The following ASCC2 variants were observed in gnomAD, a reference collection of about 807,000 sequenced individuals.
ASCC2 encodes the protein activating signal cointegrator 1 complex subunit 2, also known as ASC-1 complex subunit P100.
Under a neutral mutation model 93.5 loss-of-function variants are expected in ASCC2, and 42 were observed. The observed-to-expected ratio is 0.45, with a 90% CI of 0.35 to 0.58. The LOEUF is 0.58. Among genes scored for constraint, ASCC2 ranks in the 20% least tolerant of loss-of-function variants. ASCC2 has a pLI of 0.00. For missense variants in ASCC2, 859 were observed against 977.6 expected (o/e 0.88, Z 1.62); for synonymous variants, 364 against 384.2 (o/e 0.95, Z 0.62).
chr22:29,789,120 T>C lies in ASCC2; in HGVS notation c.2167A>G (p.Thr723Ala). ...SPRGHGQSRE[T>A]TQERRKKEAN... The stretch of plus-strand genomic sequence containing the variant: ...TCCTTCTTCCTGCGTTCCTGGGTTG[T>C]CTCGCGGCTCTGCCCATGGCCTCGG... The change falls in exon 20 of 20, where the codon ACA (threonine) becomes GCA (alanine). Residue 723 changes from threonine to alanine, a missense_variant. Thr to Ala is a moderately conservative substitution (Grantham distance 58). Coordinates refer to ENST00000307790, the MANE Select transcript of ASCC2 (RefSeq NM_032204.5). The C allele has an allele frequency of 6.2e-7, 1 of 1,614,178 alleles. No individual in the cohort carries two copies. Among genetic ancestry groups the C allele is most frequent in the Non-Finnish European group, 8.5e-7 (1 of 1,180,014 alleles).
chr22:29,824,481 T>G (rs2062028678), intron 4 of ASCC2, among the ~76,000 whole-genome samples: 1 of 151,984 alleles, frequency 6.6e-6, no homozygotes, highest in African/African-American at 2.4e-5. Context: ...CCAGGCATGA[T>G]GGTGCATGCC....
At chr22:29,793,209 G>A (rs1601797540) in intron 17 of ASCC2, 151 bp downstream of exon 17, 3 of 1,050,750 alleles carry the variant, frequency 2.9e-6, no homozygotes, top group African/African-American at 1.6e-5. Flanking sequence ...CCCATTCAGG[G>A]TGGGCTGGGG....
chr22:29,789,227 AAGAGGCTCTGGCGGG>A, intron 19 of ASCC2, 43 bp from the exon 20 acceptor site: 1 of 1,612,308 alleles, frequency 6.2e-7, no homozygotes, highest in Non-Finnish European at 8.5e-7. Context: ...TGTCAGCCGG[AAGAGGCTCTGGCGGG>A]AGAGCCCACA....
At chr22:29,813,223 G>A (rs952422721) in intron 8 of ASCC2, among the ~76,000 whole-genome samples, 2 of 151,974 alleles carry the variant, frequency 1.3e-5, no homozygotes, top group African/African-American at 4.8e-5. Context: ...CCCTATCCTG[G>A]TCTTGGCCAA....
At position 29,825,220 on chromosome 22, in the gene ASCC2, G is replaced by A. The variant is rs774087477; in HGVS notation, c.278C>T (p.Ser93Phe). Residue 93 changes from serine to phenylalanine, a missense_variant, in exon 4 of 20, where the codon TCC becomes TTC. By Grantham distance (155) the Ser-to-Phe change is radical. Coordinates refer to ENST00000307790, the MANE Select transcript of ASCC2 (RefSeq NM_032204.5). This position sits in a 1 kb window ranked among gnomAD's most constrained non-coding sequence, Gnocchi z 4.9. ...TTTGCGGGGGACATAGCGCAGGTAG[G>A]AGTCCAGGCACTTCTGTAGAGTCTC... The part of the protein sequence containing the change: ...FDETLQKCLD[S>F]YLRYVPRKFD... 32 of 1,543,964 alleles carry A rather than the reference G, an allele frequency of 2.1e-5. No individual in the cohort carries two copies. In the African/African-American group the frequency reaches 3.5e-4, roughly 17 times the overall value.
At chr22:29,813,079 C>T (rs2060461456) in intron 8 of ASCC2, among the ~76,000 whole-genome samples, 1 of 152,100 alleles carries the variant, frequency 6.6e-6, no homozygotes, top group African/African-American at 2.4e-5. Flanking sequence ...TGGGGTGTCA[C>T]CATATTGGTC....
At chr22:29,809,513 C>T (rs2060056271) in intron 8 of ASCC2, among the ~76,000 whole-genome samples, 2 of 152,188 alleles carry the variant, frequency 1.3e-5, no homozygotes, top group South Asian at 4.2e-4. Context: ...TGCATGGTGG[C>T]TTATGCCTGT....
intron 5 of ASCC2, among the ~76,000 whole-genome samples, chr22:29,817,471 C>G (rs2060998834): frequency 6.6e-6 from 1 of 152,108 alleles, no homozygotes; most frequent in East Asian, 1.9e-4. Flanking sequence ...CATCCCTGTC[C>G]CCGCCTTCTG....
At chr22:29,806,105 CA>C in intron 12 of ASCC2, 110 bp downstream of exon 12, 1 of 1,205,892 alleles carries the variant, frequency 8.3e-7, no homozygotes, top group African/African-American at 1.5e-5. Flanking sequence ...CTGGCTGACC[CA>C]TGCGTTCTGG....
intron 15 of ASCC2, among the ~76,000 whole-genome samples, chr22:29,797,318 C>T (rs940927843): frequency 6.6e-6 from 1 of 152,188 alleles, no homozygotes; most frequent in African/African-American, 2.4e-5. Context: ...CAAGCCTGTC[C>T]TTCAAGGCCC....
chr22:29,797,077 T>C (rs2058531491), intron 15 of ASCC2, among the ~76,000 whole-genome samples: 1 of 152,154 alleles, frequency 6.6e-6, no homozygotes, highest in African/African-American at 2.4e-5. Context: ...GATGCAACCT[T>C]GGCCCCAGAC....
At chr22:29,826,588 G>A (rs1338430407) in intron 2 of ASCC2, among the ~76,000 whole-genome samples, 1 of 152,012 alleles carries the variant, frequency 6.6e-6, no homozygotes, top group Admixed American at 6.6e-5. Context: ...TAGGATTACA[G>A]GTTTGAGCCA....
chr22:29,789,244 G>T, intron 19 of ASCC2, 60 bp from the exon 20 acceptor site: 1 of 1,598,964 alleles, frequency 6.3e-7, no homozygotes, highest in Non-Finnish European at 8.6e-7. Flanking sequence ...TCTGGCGGGA[G>T]AGCCCACAGC....
intron 15 of ASCC2, among the ~76,000 whole-genome samples, chr22:29,798,712 T>C (rs564042741): frequency 6.6e-5 from 10 of 152,354 alleles, no homozygotes; most frequent in Admixed American, 5.9e-4. Context: ...CCGAAGTTCC[T>C]GTGTACCCCA....
At chr22:29,822,971 C>T (rs1029878675) in intron 4 of ASCC2, among the ~76,000 whole-genome samples, 2 of 152,026 alleles carry the variant, frequency 1.3e-5, no homozygotes, top group Non-Finnish European at 2.9e-5. Flanking sequence ...GAGCTTGCCT[C>T]GGCCTCCCAA....
chr22:29,789,025 C>G lies in ASCC2; in HGVS notation c.2262G>C (p.Met754Ile), dbSNP rs1418081071. The change falls in exon 20 of 20, where the codon ATG (methionine) becomes ATC (isoleucine). Residue 754 changes from methionine (M) to isoleucine (I), a missense_variant. Transcript: ENST00000307790. ...TMADRKRSKGMIPS is the reference protein window; with the variant it reads ...TMADRKRSKGIIPS ...CCTGCACCAGGTCTCAGGATGGGAT[C>G]ATGCCTTTGCTCCTCTTGCGGTCGG... is the stretch of plus-strand genomic sequence containing the variant. 6.2e-7 allele frequency: 1 copy of G among 1,614,066 alleles called. No homozygotes were observed. The highest frequency in any genetic ancestry group is 1.3e-5 in the African/African-American group (1 of 74,938).
At chr22:29,813,076 T>A (rs533557156) in intron 8 of ASCC2, among the ~76,000 whole-genome samples, 1 of 152,264 alleles carries the variant, frequency 6.6e-6, no homozygotes, top group South Asian at 2.1e-4. Flanking sequence ...AGATGGGGTG[T>A]CACCATATTG....
chr22:29,789,176 T>C lies in ASCC2; in HGVS notation c.2111A>G (p.His704Arg). ...GCCGGCCACTGCTGTTGAGCTGTCATGCCGGTACCTGAGGGAGGAACAACC... is the reference window on the plus strand; with the variant it reads ...GCCGGCCACTGCTGTTGAGCTGTCACGCCGGTACCTGAGGGAGGAACAACC... ...MAFLAKKGYR[H>R]DSSTAVAGSP... The change falls in exon 20 of 20, where the codon CAT becomes CGT. Residue 704 changes from histidine to arginine, a missense_variant. Coordinates refer to ENST00000307790, the MANE Select transcript of ASCC2 (RefSeq NM_032204.5). The C allele has an allele frequency of 3.1e-6, 5 of 1,614,088 alleles. No individual in the cohort carries two copies. Among genetic ancestry groups the C allele is most frequent in the Non-Finnish European group, 4.2e-6 (5 of 1,179,994 alleles).
chr22:29,802,898 T>C (rs923197371), intron 13 of ASCC2, among the ~76,000 whole-genome samples: 8 of 151,952 alleles, frequency 5.3e-5, no homozygotes, highest in Non-Finnish European at 8.8e-5. Context: ...ATCAAGCCAC[T>C]GCACTCCAGC....
Sources: allele counts gnomAD v4.1 joint callset (sites outside exome capture counted in the v4.1 genomes callset), GRCh38; gene constraint gnomAD v4.1.1; non-coding constraint Gnocchi (gnomAD v3.1); transcripts MANE v1.5; gene names NCBI Gene and HGNC (gene_info 2026-07-23, HGNC 2026-07-21).